NUMA1: variants seen among roughly 807,000 people sequenced by gnomAD.
NUMA1 encodes the protein nuclear mitotic apparatus protein 1.
NUMA1 carries 62 observed loss-of-function variants against 237.1 expected under a neutral mutation model. The ratio of observed to expected loss-of-function variants is 0.26; its 90% confidence interval spans 0.21 to 0.32. The LOEUF (loss-of-function observed/expected upper bound fraction) is 0.32, where lower values mean the gene tolerates loss of function less well. Among genes scored for constraint, NUMA1 ranks in the 10% least tolerant of loss-of-function variants. The pLI, the probability that NUMA1 is intolerant of heterozygous loss-of-function variation, is 1.00. For synonymous variants in NUMA1, 1,028 were observed against 1,066.1 expected (o/e 0.96, Z 0.70); for missense variants, 2,533 against 2,666.5 (o/e 0.95, Z 1.10).
Position 72,021,151 on chromosome 11 carries a change from A to C in NUMA1, c.460+53T>G, listed in dbSNP as rs148049571. ...ACCATACTTGACAACTCAGGATCCT[A>C]GTATTCCCCATTTCAGAGATGAGGG... On this transcript the variant is annotated intron_variant, in intron 8 of 26. Coordinates refer to ENST00000393695, the MANE Select transcript of NUMA1 (RefSeq NM_006185.4). The C allele has an allele frequency of 1.7e-4, 235 of 1,392,992 alleles. No individual in the cohort carries two copies. In the African/African-American group the frequency reaches 3.1e-3, roughly 19 times the overall value. 86.3% of individuals were successfully genotyped at this position (1,392,992 alleles called of 1,614,324 possible). A position where few individuals can be genotyped will look rare whatever the true frequency, so the allele number is the denominator to read the frequency against.
intron 2 of NUMA1, among the ~76,000 whole-genome samples, chr11:72,057,279 AC>A (rs1368509969): frequency 2.6e-5 from 4 of 152,202 alleles, no homozygotes; most frequent in African/African-American, 9.6e-5. Context: ...AAAGTTGATA[AC>A]TACAATTACA....
chr11:72,011,619 C>T (rs1487317006), intron 16 of NUMA1, among the ~76,000 whole-genome samples: 1 of 152,162 alleles, frequency 6.6e-6, no homozygotes, highest in African/African-American at 2.4e-5. Context: ...TCACAGGCTC[C>T]TTAGAGGAGG....
rs1250211435 is a variant in NUMA1, at chr11:72,018,806, G to A, written c.742+17C>T. ...GGCAAGTCTATTCACACATCTGCCAGTGTGCCAGCCACCTACCCTTCTCGG... is the reference window on the plus strand; with the variant it reads ...GGCAAGTCTATTCACACATCTGCCAATGTGCCAGCCACCTACCCTTCTCGG... On this transcript the variant is annotated intron_variant, in intron 10 of 26. Transcript: ENST00000393695. The A allele has an allele frequency of 6.2e-7, 1 of 1,604,156 alleles. No individual in the cohort carries two copies. Among genetic ancestry groups the A allele is most frequent in the Non-Finnish European group, 8.5e-7 (1 of 1,178,176 alleles).
chr11:72,072,833 T>C (rs1246686242), intron 1 of NUMA1, among the ~76,000 whole-genome samples: 14 of 151,344 alleles, frequency 9.3e-5, no homozygotes, highest in Admixed American at 8.6e-4. Flanking sequence ...GGCGGGCGGA[T>C]CACACTGTCA....
chr11:72,027,835 G>A (rs2135483044), intron 4 of NUMA1, among the ~76,000 whole-genome samples: 1 of 152,338 alleles, frequency 6.6e-6, no homozygotes, highest in Non-Finnish European at 1.5e-5. Flanking sequence ...TATCCAGAAT[G>A]AGGCAGAGGG....
chr11:72,044,236 AT>A (rs746082852), intron 2 of NUMA1, among the ~76,000 whole-genome samples: 10 of 152,180 alleles, frequency 6.6e-5, no homozygotes, highest in Non-Finnish European at 1.3e-4. Flanking sequence ...TAGTATCCCT[AT>A]TTGTAAAACA....
rs903949798 is a variant in NUMA1, at chr11:72,003,079, A to G, written c.*448T>C. On this transcript the variant is annotated 3_prime_UTR_variant, in exon 27 of 27. Coordinates refer to ENST00000393695, the MANE Select transcript of NUMA1 (RefSeq NM_006185.4). ...AGAGCATCCTCTGGCAGGTGCTCCCACCAGGTCAGACCCAGTCCTGGACTT... is the reference window on the plus strand; with the variant it reads ...AGAGCATCCTCTGGCAGGTGCTCCCGCCAGGTCAGACCCAGTCCTGGACTT... The G allele has an allele frequency of 1.6e-5, 4 of 243,628 alleles. No individual in the cohort carries two copies. The highest frequency in any genetic ancestry group is 8.8e-5 in the African/African-American group (4 of 45,546). The allele number at this position is 243,628 out of a possible 1,614,324, so 15.1% of individuals were successfully genotyped here. A position where few individuals can be genotyped will look rare whatever the true frequency, so the allele number is the denominator to read the frequency against.
At chr11:72,021,011 G>T (rs1283528281) in intron 8 of NUMA1, 193 bp downstream of exon 8, 2 of 564,440 alleles carry the variant, frequency 3.5e-6, no homozygotes, top group Non-Finnish European at 6.3e-6. Flanking sequence ...GCAGCAAGGA[G>T]GAGCTCCATA....
At chr11:72,050,174 A>G (rs1199387539) in intron 2 of NUMA1, among the ~76,000 whole-genome samples, 2 of 152,210 alleles carry the variant, frequency 1.3e-5, no homozygotes, top group Non-Finnish European at 1.5e-5. Flanking sequence ...TTTCATAAAT[A>G]AAAGCCACAA....
chr11:72,023,679 CTG>C (rs995411379), intron 5 of NUMA1, among the ~76,000 whole-genome samples: 19 of 152,138 alleles, frequency 1.2e-4, no homozygotes, highest in African/African-American at 4.3e-4. Flanking sequence ...GACGAGGACT[CTG>C]TGGTCTAAGG....
At chr11:72,072,227 C>T (rs889268461) in intron 1 of NUMA1, 4 of 153,744 alleles carry the variant, frequency 2.6e-5, no homozygotes, top group African/African-American at 9.6e-5. Context: ...CACGTTAGTA[C>T]CCAGTGGTAA....
chr11:72,005,402 C>G, intron 22 of NUMA1, 33 bp from the exon 23 acceptor site: 1 of 1,595,668 alleles, frequency 6.3e-7, no homozygotes, highest in Non-Finnish European at 8.5e-7. Flanking sequence ...AACAAATGAG[C>G]CTGGAGTCGG....
chr11:72,068,562 AG>A (rs896275051), intron 2 of NUMA1: 1 of 152,330 alleles, frequency 6.6e-6, no homozygotes, highest in Non-Finnish European at 1.5e-5. Context: ...TGGAGGTTGC[AG>A]TGAGCTGAGA....
At chr11:72,038,300 C>T (rs1469965296) in intron 2 of NUMA1, among the ~76,000 whole-genome samples, 1 of 152,158 alleles carries the variant, frequency 6.6e-6, no homozygotes, top group Admixed American at 6.5e-5. Context: ...CCCAGGAGAG[C>T]CTGTCTAAAA....
At position 72,021,120 on chromosome 11, in the gene NUMA1, AC is replaced by A. The variant is rs775318340; in HGVS notation, c.460+83del. 3.2e-5 allele frequency: 36 copies of A among 1,120,958 alleles called. No homozygotes were observed. In the African/African-American group the frequency reaches 5.1e-4, roughly 16 times the overall value. 69.4% of individuals were successfully genotyped at this position (1,120,958 alleles called of 1,614,324 possible). ...TGCCTTGTGTTGGGGACAGAAACAA[AC>A]CCCCACCATACTTGACAACTCAGGA... is the stretch of plus-strand genomic sequence containing the variant. On this transcript the variant is annotated intron_variant, in intron 8 of 26. Coordinates refer to ENST00000393695, the MANE Select transcript of NUMA1 (RefSeq NM_006185.4).
chr11:72,018,353 G>A lies in NUMA1; in HGVS notation c.860+43C>T, dbSNP rs1261000375. ...GAGTATGGGTTCCTGGCTGGGTGAG[G>A]GGAGGGGCTGGGGCCTGGGAAGGAA... On this transcript the variant is annotated intron_variant, in intron 11 of 26. Transcript: ENST00000393695. 3 of 1,605,864 alleles carry A rather than the reference G, an allele frequency of 1.9e-6. No individual in the cohort carries two copies. In the South Asian group the frequency reaches 3.3e-5, roughly 18 times the overall value.
At chr11:72,040,125 A>G (rs140011906) in intron 2 of NUMA1, among the ~76,000 whole-genome samples, 1 of 152,264 alleles carries the variant, frequency 6.6e-6, no homozygotes, top group Non-Finnish European at 1.5e-5. Flanking sequence ...TCCAAGTCCA[A>G]AGAGTTTCCT....
chr11:72,026,142 T>G (rs903496587), intron 4 of NUMA1, among the ~76,000 whole-genome samples: 1 of 152,208 alleles, frequency 6.6e-6, no homozygotes, highest in Non-Finnish European at 1.5e-5. Flanking sequence ...TGGAGCATAC[T>G]TTGGACAACA....
chr11:72,020,739 G>A (rs945590149), intron 8 of NUMA1: 5 of 153,068 alleles, frequency 3.3e-5, no homozygotes, highest in Non-Finnish European at 5.8e-5. Flanking sequence ...CAGGTGTGGT[G>A]GCATGCGCCT....
Sources: allele counts gnomAD v4.1 joint callset (sites outside exome capture counted in the v4.1 genomes callset), GRCh38; gene constraint gnomAD v4.1.1; transcripts MANE v1.5; gene names NCBI Gene and HGNC (gene_info 2026-07-23, HGNC 2026-07-21).